The following BLM variants were observed in gnomAD, a reference collection of about 807,000 sequenced individuals.
BLM encodes BLM RecQ like helicase, also known as recQ-like DNA helicase BLM.
BLM carries 95 observed loss-of-function variants against 135.3 expected under a neutral mutation model. The observed-to-expected ratio is 0.70, with a 90% CI of 0.59 to 0.83. BLM has a LOEUF of 0.83. Ranked by LOEUF, BLM falls within the 40% of genes least tolerant of loss-of-function variation. The probability of loss-of-function intolerance (pLI) is 0.00; values close to 1 mark genes in which losing one functional copy is unlikely to be tolerated. For synonymous variants in BLM, 520 were observed against 589.2 expected (o/e 0.88, Z 1.70); for missense variants, 1,518 against 1,663.9 (o/e 0.91, Z 1.53).
intron 14 of BLM, among the ~76,000 whole-genome samples, chr15:90,787,264 A>G (rs994858442): frequency 5.7e-4 from 86 of 151,826 alleles, no homozygotes; most frequent in Non-Finnish European, 1.1e-3. Flanking sequence ...CACGTTAGCC[A>G]GGAGGGTCTC....
chr15:90,749,333 AT>A (rs755674693), intron 2 of BLM, 33 bp from the exon 3 acceptor site: 11 of 1,503,450 alleles, frequency 7.3e-6, no homozygotes, highest in Non-Finnish European at 1.0e-5. Flanking sequence ...CTTAAAATGG[AT>A]CCATCTAATC....
At chr15:90,765,092 A>G (rs913883651) in intron 8 of BLM, among the ~76,000 whole-genome samples, 1 of 152,182 alleles carries the variant, frequency 6.6e-6, no homozygotes, top group African/African-American at 2.4e-5. Flanking sequence ...AAAACAAAAA[A>G]AACACTTTTT....
chr15:90,813,542 C>T (rs28385173), intron 21 of BLM, among the ~76,000 whole-genome samples: 11,634 of 152,140 alleles, frequency 0.076, 526 homozygotes, highest in Middle Eastern at 0.12. Flanking sequence ...TATGGGTGCA[C>T]GCCACCACGC....
chr15:90,815,423 G>T lies in BLM; in HGVS notation c.*144G>T. 1.1e-6 allele frequency: 1 copy of T among 892,316 alleles called. No homozygotes were observed. The highest frequency in any genetic ancestry group is 2.6e-5 in the East Asian group (1 of 37,772). 55.3% of individuals were successfully genotyped at this position (892,316 alleles called of 1,614,324 possible). The stretch of plus-strand genomic sequence containing the variant: ...TTTAAATAAATGCTGGGGGGTGATA[G>T]TTCTTCTTTTTAAAATAAACATTTT... On this transcript the variant is annotated 3_prime_UTR_variant, in exon 22 of 22. Coordinates refer to ENST00000355112, the MANE Select transcript of BLM (RefSeq NM_000057.4). The surrounding 1 kb of genome is among the most constrained non-coding windows in gnomAD (Gnocchi z 4.6).
chr15:90,757,330 T>C (rs957150933), intron 5 of BLM, among the ~76,000 whole-genome samples: 7 of 152,158 alleles, frequency 4.6e-5, no homozygotes, highest in Non-Finnish European at 1.0e-4. Flanking sequence ...GAGATCCTGT[T>C]TGCAGGTTTC....
chr15:90,774,012 T>A (rs1896400658), intron 12 of BLM, among the ~76,000 whole-genome samples: 1 of 151,752 alleles, frequency 6.6e-6, no homozygotes, highest in Admixed American at 6.6e-5. Context: ...GGTAACTGTA[T>A]GATTAACCTT....
intron 13 of BLM, 59 bp downstream of exon 13, chr15:90,782,987 A>G: frequency 7.7e-7 from 1 of 1,304,704 alleles, no homozygotes. Flanking sequence ...TAGTACCACA[A>G]TAAGATATAT....
At chr15:90,792,960 G>A (rs1453043545) in intron 15 of BLM, among the ~76,000 whole-genome samples, 41 of 151,178 alleles carry the variant, frequency 2.7e-4, no homozygotes, top group African/African-American at 9.2e-4. Context: ...GCCCAAACAT[G>A]GCCAGGCATG....
intron 8 of BLM, 131 bp downstream of exon 8, chr15:90,763,288 T>G: frequency 1.1e-6 from 1 of 920,846 alleles, no homozygotes; most frequent in Non-Finnish European, 1.7e-6. Context: ...TCCTGTACCA[T>G]AGTGAGAAAG....
At chr15:90,801,405 GAA>G (rs1897163414) in intron 17 of BLM, among the ~76,000 whole-genome samples, 1 of 151,318 alleles carries the variant, frequency 6.6e-6, no homozygotes, top group Admixed American at 6.6e-5. Context: ...AAAAGTAAAA[GAA>G]GGCATACAGG....
At chr15:90,757,202 GT>G (rs1895842629) in intron 5 of BLM, among the ~76,000 whole-genome samples, 1 of 152,122 alleles carries the variant, frequency 6.6e-6, no homozygotes, top group African/African-American at 2.4e-5. Context: ...CCAGCCTGTA[GT>G]TTTTGGCAAT....
chr15:90,779,207 T>C (rs1274345367), intron 12 of BLM, among the ~76,000 whole-genome samples: 2 of 152,176 alleles, frequency 1.3e-5, no homozygotes, highest in African/African-American at 4.8e-5. Flanking sequence ...TTTAAAGAAC[T>C]GTCGCACTGT....
chr15:90,717,845 C>G (rs1894648996), intron 1 of BLM, among the ~76,000 whole-genome samples: 1 of 152,228 alleles, frequency 6.6e-6, no homozygotes, highest in Admixed American at 6.5e-5. Flanking sequence ...TGTGGCCTTC[C>G]ATAATCACGA....
At chr15:90,734,760 C>G (rs1315668806) in intron 1 of BLM, among the ~76,000 whole-genome samples, 1 of 149,528 alleles carries the variant, frequency 6.7e-6, no homozygotes, top group Non-Finnish European at 1.5e-5. Context: ...TGTATTTTAT[C>G]TAATAGGAAA....
chr15:90,757,982 A>G (rs1359417323), intron 5 of BLM, among the ~76,000 whole-genome samples: 4 of 151,498 alleles, frequency 2.6e-5, no homozygotes, highest in Admixed American at 2.0e-4. Context: ...CCCAGGTTCA[A>G]GTGATTCTCC....
rs61059865 is a variant in BLM, at chr15:90,789,987, GTTTTTTTTTTTTTTTTTTTTT to G, written c.2824-646_2824-626del. 4.7e-3 allele frequency among the ~76,000 whole-genome samples: 272 copies of G among 57,382 alleles called. 5 individuals carry two copies. The highest frequency in any genetic ancestry group is 0.013 in the African/African-American group (252 of 18,950). The allele number at this position is 57,382 out of a possible 152,430, so 37.6% of individuals were successfully genotyped here. Reference sequence around the variant, plus strand: ...AGGTCTAAGATCCGCAGTCCCTGGTGTTTTTTTTTTTTTTTTTTTTTTTTTTTTTTTTTTTTGGTATAAGTA... The same window carrying G: ...AGGTCTAAGATCCGCAGTCCCTGGTGTTTTTTTTTTTTTTTGGTATAAGTA... On this transcript the variant is annotated intron_variant, in intron 14 of 21. Coordinates refer to ENST00000355112, the MANE Select transcript of BLM (RefSeq NM_000057.4).
intron 1 of BLM, among the ~76,000 whole-genome samples, chr15:90,725,661 C>T (rs1024318443): frequency 2.1e-5 from 3 of 144,838 alleles, no homozygotes; most frequent in South Asian, 4.4e-4. Flanking sequence ...CCACCATGCC[C>T]GGCTAATTTT....
intron 19 of BLM, among the ~76,000 whole-genome samples, chr15:90,805,792 A>G (rs1472241428): frequency 6.6e-6 from 1 of 151,536 alleles, no homozygotes; most frequent in Non-Finnish European, 1.5e-5. Flanking sequence ...CAGCCTCCCA[A>G]AGTGCTGGGA....
At chr15:90,806,962 T>TTATTATCC (rs1358136553) in intron 19 of BLM, among the ~76,000 whole-genome samples, 4 of 152,248 alleles carry the variant, frequency 2.6e-5, no homozygotes, top group Non-Finnish European at 4.4e-5. Context: ...ACATTGATTT[T>TTATTATCC]TATTATCCAC....
Sources: allele counts gnomAD v4.1 joint callset (sites outside exome capture counted in the v4.1 genomes callset), GRCh38; gene constraint gnomAD v4.1.1; non-coding constraint Gnocchi (gnomAD v3.1); transcripts MANE v1.5; gene names NCBI Gene and HGNC (gene_info 2026-07-23, HGNC 2026-07-21).